The following NPSR1 variants were observed in gnomAD, a reference collection of about 807,000 sequenced individuals.
The protein encoded by NPSR1 is neuropeptide S receptor 1.
Under a neutral mutation model 46.9 loss-of-function variants are expected in NPSR1, and 48 were observed. That is an observed-to-expected ratio of 1.02 (90% CI 0.81 to 1.30). The LOEUF is 1.30. NPSR1 is among the 50% of genes most tolerant of loss of function. The pLI is 0.00. For synonymous variants in NPSR1, 176 were observed against 168.1 expected, an observed-to-expected ratio of 1.05 and a Z score of -0.36; for missense variants, 450 against 449.5, an observed-to-expected ratio of 1.00 and a Z score of -0.01.
At chr7:34,685,899 C>A (rs141759182) in intron 2 of NPSR1, 8 of 238,700 alleles carry the variant, frequency 3.4e-5, no homozygotes, top group East Asian at 1.6e-4. Flanking sequence ...TTCCTACCAA[C>A]AAGAACTCCA....
chr7:34,707,649 A>G (rs558511352), intron 2 of NPSR1, among the ~76,000 whole-genome samples: 3 of 152,340 alleles, frequency 2.0e-5, no homozygotes, highest in East Asian at 1.9e-4. Context: ...AAAGCAATAA[A>G]AAGGATAATT....
At chr7:34,795,207 T>A (rs979561535) in intron 3 of NPSR1, among the ~76,000 whole-genome samples, 3 of 152,146 alleles carry the variant, frequency 2.0e-5, no homozygotes, top group Non-Finnish European at 2.9e-5. Flanking sequence ...TTTAACAAAT[T>A]ACAACACCTA....
intron 1 of NPSR1, among the ~76,000 whole-genome samples, chr7:34,664,365 G>A (rs1403526525): frequency 6.6e-6 from 1 of 152,170 alleles, no homozygotes; most frequent in Non-Finnish European, 1.5e-5. Context: ...GAGAATGCTT[G>A]TATAGCCTTA....
chr7:34,708,497 G>A (rs1794219717), intron 2 of NPSR1, among the ~76,000 whole-genome samples: 2 of 152,162 alleles, frequency 1.3e-5, no homozygotes, highest in Non-Finnish European at 2.9e-5. Context: ...AACAAAAGCA[G>A]GAGAAATAGA....
At chr7:34,778,039 T>G (rs1212560542) in intron 2 of NPSR1, among the ~76,000 whole-genome samples, 2 of 152,122 alleles carry the variant, frequency 1.3e-5, no homozygotes. Flanking sequence ...GAGGTCCAAT[T>G]TGCAAAATAA....
intron 2 of NPSR1, among the ~76,000 whole-genome samples, chr7:34,715,239 A>G (rs903442625): frequency 6.6e-6 from 1 of 152,218 alleles, no homozygotes; most frequent in Non-Finnish European, 1.5e-5. Flanking sequence ...AAACTCATAT[A>G]TGGAAAGGCT....
At chr7:34,668,577 A>G (rs1026878073) in intron 1 of NPSR1, among the ~76,000 whole-genome samples, 3 of 152,214 alleles carry the variant, frequency 2.0e-5, no homozygotes, top group Admixed American at 2.0e-4. Flanking sequence ...GGAAACAAAT[A>G]ACTGGATATT....
intron 3 of NPSR1, among the ~76,000 whole-genome samples, chr7:34,795,157 G>C (rs1229209603): frequency 6.6e-6 from 1 of 152,074 alleles, no homozygotes; most frequent in Admixed American, 6.6e-5. Flanking sequence ...GGCTAAAGAA[G>C]AAAAGTCACA....
intron 6 of NPSR1, among the ~76,000 whole-genome samples, chr7:34,841,059 A>G (rs540021256): frequency 2.0e-5 from 3 of 152,364 alleles, no homozygotes; most frequent in African/African-American, 7.2e-5. Context: ...AGAAATCAGG[A>G]AAAACTGCTA....
At chr7:34,868,864 C>A (rs10277109) in intron 8 of NPSR1, among the ~76,000 whole-genome samples, 26,945 of 151,298 alleles carry the variant, frequency 0.18, 2,775 homozygotes, top group Non-Finnish European at 0.23. Context: ...AGAGGTGCGG[C>A]TGACCCTCAA....
At chr7:34,666,610 T>G (rs1474479411) in intron 1 of NPSR1, among the ~76,000 whole-genome samples, 1 of 152,202 alleles carries the variant, frequency 6.6e-6, no homozygotes, top group Non-Finnish European at 1.5e-5. Flanking sequence ...TCTTCAGATT[T>G]CTTATTATAT....
chr7:34,855,129 AT>A (rs1367851567), intron 8 of NPSR1, among the ~76,000 whole-genome samples: 61 of 152,340 alleles, frequency 4.0e-4, no homozygotes, highest in African/African-American at 1.4e-3. Flanking sequence ...TAGGATACAA[AT>A]AAAACAATAC....
chr7:34,757,612 C>T (rs1024257497), intron 2 of NPSR1, among the ~76,000 whole-genome samples: 2 of 152,148 alleles, frequency 1.3e-5, no homozygotes, highest in East Asian at 1.9e-4. Context: ...TGAGTTCTGG[C>T]TCTGAAGCCC....
chr7:34,752,432 C>G (rs1304830463), intron 2 of NPSR1, among the ~76,000 whole-genome samples: 4 of 152,106 alleles, frequency 2.6e-5, no homozygotes, highest in Non-Finnish European at 5.9e-5. Flanking sequence ...CTAAATGGGT[C>G]CTGTTAAGAA....
downstream of NPSR1, among the ~76,000 whole-genome samples, chr7:34,851,185 C>CT (rs11337711): frequency 0.016 from 2,187 of 139,590 alleles, 38 homozygotes; most frequent in African/African-American, 0.041. Flanking sequence ...GAGCTTAAAT[C>CT]TTTTTTTTTT....
At chr7:34,791,213 A>G (rs1043218812) in intron 3 of NPSR1, among the ~76,000 whole-genome samples, 12 of 128,528 alleles carry the variant, frequency 9.3e-5, no homozygotes, top group African/African-American at 3.5e-4. Flanking sequence ...TATATTATAT[A>G]TGTTATATGT....
At chr7:34,727,109 T>G (rs1236532632) in intron 2 of NPSR1, among the ~76,000 whole-genome samples, 1 of 152,116 alleles carries the variant, frequency 6.6e-6, no homozygotes, top group Non-Finnish European at 1.5e-5. Flanking sequence ...GGGTTGTGCA[T>G]GTGTGGGAGC....
intron 2 of NPSR1, among the ~76,000 whole-genome samples, chr7:34,707,577 G>C (rs561338346): frequency 2.1e-4 from 32 of 152,248 alleles, no homozygotes; most frequent in Middle Eastern, 3.4e-3. Flanking sequence ...ACTATGGCGA[G>C]GCATGGTTCC....
chr7:34,825,007 A>G (rs1789754029), intron 4 of NPSR1, among the ~76,000 whole-genome samples: 1 of 152,020 alleles, frequency 6.6e-6, no homozygotes, highest in Non-Finnish European at 1.5e-5. Context: ...CCCCTATGCC[A>G]TCAAACTCCT....
Sources: allele counts gnomAD v4.1 joint callset (sites outside exome capture counted in the v4.1 genomes callset), GRCh38; gene constraint gnomAD v4.1.1; transcripts MANE v1.5; gene names NCBI Gene and HGNC (gene_info 2026-07-23, HGNC 2026-07-21).